SAMD8: variants seen among roughly 807,000 people sequenced by gnomAD.
SAMD8 encodes the protein sterile alpha motif domain containing 8.
Under a neutral mutation model 42.0 loss-of-function variants are expected in SAMD8, and 20 were observed. That is an observed-to-expected ratio of 0.48 (90% CI 0.34 to 0.69). The LOEUF (loss-of-function observed/expected upper bound fraction) is 0.69. Among genes scored for constraint, SAMD8 ranks in the 30% least tolerant of loss-of-function variants. SAMD8 has a pLI of 0.01. For synonymous variants in SAMD8, 162 were observed against 173.0 expected (o/e 0.94, Z 0.50); for missense variants, 328 against 511.6 (o/e 0.64, Z 3.46).
chr10:75,156,353 G>A (rs1208244298), intron 2 of SAMD8, among the ~76,000 whole-genome samples: 1 of 152,166 alleles, frequency 6.6e-6, no homozygotes, highest in Non-Finnish European at 1.5e-5. Flanking sequence ...ATAAATGTGG[G>A]CAGCATGATT....
At chr10:75,140,209 A>G (rs1044584988) in intron 1 of SAMD8, among the ~76,000 whole-genome samples, 1 of 152,184 alleles carries the variant, frequency 6.6e-6, no homozygotes, top group Non-Finnish European at 1.5e-5. Flanking sequence ...GGTTCAAGCA[A>G]TTCTCCTGCC....
intron 1 of SAMD8, among the ~76,000 whole-genome samples, chr10:75,102,877 G>A (rs1170300867): frequency 1.3e-5 from 2 of 152,140 alleles, no homozygotes; most frequent in East Asian, 1.9e-4. Context: ...ATTTGAACCC[G>A]GGAGGTGGGG....
intron 1 of SAMD8, among the ~76,000 whole-genome samples, chr10:75,102,953 C>CA (rs1268575965): frequency 2.0e-5 from 3 of 151,368 alleles, no homozygotes; most frequent in African/African-American, 4.9e-5. Context: ...ACTCCGTCTC[C>CA]AAAAAAAACA....
chr10:75,111,804 C>CG, intron 1 of SAMD8, 82 bp downstream of exon 1: 1 of 1,229,098 alleles, frequency 8.1e-7, no homozygotes, highest in Non-Finnish European at 1.0e-6. Flanking sequence ...GGGATGGAGC[C>CG]GGGGGCTGCC....
chr10:75,111,726 A>T lies in SAMD8; in HGVS notation c.-16+4A>T. On this transcript the variant is annotated splice_donor_region_variant and intron_variant, in intron 1 of 5. Coordinates refer to ENST00000542569, the MANE Select transcript of SAMD8 (RefSeq NM_001174156.2). ...GAGCCCGACTCGGACCGCGGAGGTG[A>T]GCGGGAGCTGAGGCTGAGGAGAGGG... The T allele has an allele frequency of 8.1e-7, 1 of 1,233,862 alleles. No individual in the cohort carries two copies. The highest frequency in any genetic ancestry group is 4.0e-5 in the South Asian group (1 of 24,926). 76.4% of individuals were successfully genotyped at this position (1,233,862 alleles called of 1,614,324 possible).
chr10:75,176,229 T>C lies in SAMD8; in HGVS notation c.943+13T>C, dbSNP rs1248874256. 5.0e-6 allele frequency: 8 copies of C among 1,614,126 alleles called. No homozygotes were observed. ...TTTGTCACCGAATGTAAGTATCTTT[T>C]TAGTGCTTCTATGCGTATTAGGTAA... On this transcript the variant is annotated intron_variant, in intron 5 of 5. Transcript: ENST00000542569. This position sits in a 1 kb window ranked among gnomAD's most constrained non-coding sequence, Gnocchi z 4.3.
At chr10:75,119,888 A>T (rs548651474) in intron 1 of SAMD8, among the ~76,000 whole-genome samples, 1 of 152,300 alleles carries the variant, frequency 6.6e-6, no homozygotes, top group African/African-American at 2.4e-5. Flanking sequence ...CAACATGGTG[A>T]AACCTCGTCT....
intron 3 of SAMD8, among the ~76,000 whole-genome samples, chr10:75,168,030 A>C (rs1840732971): frequency 6.6e-6 from 1 of 150,942 alleles, no homozygotes; most frequent in African/African-American, 2.4e-5. Flanking sequence ...GAGTTTCACT[A>C]TTGTTGCCCA....
chr10:75,171,228 A>G (rs1416373944), intron 4 of SAMD8, among the ~76,000 whole-genome samples: 2 of 122,100 alleles, frequency 1.6e-5, no homozygotes, highest in African/African-American at 6.5e-5. Context: ...GTGCAGTGGC[A>G]CAATCTCGGC....
At chr10:75,109,295 C>A, upstream of SAMD8, 1 of 999,814 alleles carries the variant, frequency 1.0e-6, no homozygotes, top group Non-Finnish European at 1.4e-6. Flanking sequence ...CTGGAGTGGA[C>A]AAGACCTTTT....
intron 1 of SAMD8, among the ~76,000 whole-genome samples, chr10:75,131,269 C>T (rs1849268249): frequency 6.6e-6 from 1 of 152,232 alleles, no homozygotes; most frequent in Non-Finnish European, 1.5e-5. Context: ...TGCTTCTTCT[C>T]TGCTTCTGGT....
intron 1 of SAMD8, among the ~76,000 whole-genome samples, chr10:75,143,217 G>A (rs1305757188): frequency 1.3e-5 from 2 of 152,246 alleles, no homozygotes; most frequent in African/African-American, 2.4e-5. Flanking sequence ...TGAGGCAGGA[G>A]AATCTCTTGA....
intron 4 of SAMD8, among the ~76,000 whole-genome samples, chr10:75,169,314 A>T (rs987433938): frequency 6.7e-6 from 1 of 149,536 alleles, no homozygotes; most frequent in African/African-American, 2.5e-5. Flanking sequence ...GTTAAACCCC[A>T]TCTCTACTAA....
In SAMD8 at chr10:75,169,701, G is replaced by C. The variant is rs192131571; in HGVS notation, c.792+1043G>C. 1.3e-3 allele frequency among the ~76,000 whole-genome samples: 192 copies of C among 152,288 alleles called. 1 individual carries two copies. Among genetic ancestry groups the C allele is most frequent in the Non-Finnish European group, 1.2e-4 (8 of 68,032 alleles). ...GGCCAAGGCGGGTGGATCACCTGAG[G>C]TCAGGAGTTAAAGACCCAGCGTGGC... On this transcript the variant is annotated intron_variant, in intron 4 of 5. Coordinates refer to ENST00000542569, the MANE Select transcript of SAMD8 (RefSeq NM_001174156.2).
At chr10:75,129,454 G>A (rs1208121391) in intron 1 of SAMD8, among the ~76,000 whole-genome samples, 1 of 152,044 alleles carries the variant, frequency 6.6e-6, no homozygotes, top group African/African-American at 2.4e-5. Flanking sequence ...TCGGCCAGGA[G>A]GCTCTCATCT....
intron 2 of SAMD8, among the ~76,000 whole-genome samples, chr10:75,158,354 G>T (rs1295959580): frequency 6.6e-6 from 1 of 152,132 alleles, no homozygotes; most frequent in African/African-American, 2.4e-5. Flanking sequence ...CACTTTGGGA[G>T]GCCGAGGCAG....
chr10:75,128,972 T>C lies in SAMD8; in HGVS notation c.-16+17250T>C, dbSNP rs188646560. ...CTGCAAAAGGGTCTTTTAACAAAAG[T>C]TGACACTTTCGTAATATAGAAGCCC... is the stretch of plus-strand genomic sequence containing the variant. On this transcript the variant is annotated intron_variant, in intron 1 of 5. Coordinates refer to ENST00000542569, the MANE Select transcript of SAMD8 (RefSeq NM_001174156.2). 2.1e-4 allele frequency among the ~76,000 whole-genome samples: 32 copies of C among 152,310 alleles called. No homozygotes were observed. The East Asian group carries it at 5.6e-3, about 27-fold the overall frequency.
upstream of SAMD8, chr10:75,111,347 A>G: frequency 2.3e-6 from 1 of 441,804 alleles, no homozygotes; most frequent in East Asian, 3.9e-5. Flanking sequence ...GGCCTCCGGC[A>G]TGACGCATGC....
At chr10:75,108,950 G>T, upstream of SAMD8, 1 of 1,537,544 alleles carries the variant, frequency 6.5e-7, no homozygotes, top group South Asian at 1.3e-5. Flanking sequence ...CTGGTAAAGC[G>T]ACCAAGAACT....
Sources: gnomAD v4.1 joint callset for allele counts (sites outside exome capture counted in the v4.1 genomes callset) on GRCh38, gnomAD v4.1.1 for gene constraint, Gnocchi (gnomAD v3.1) non-coding constraint, MANE v1.5 for transcripts, NCBI Gene and HGNC (gene_info 2026-07-23, HGNC 2026-07-21) for gene names.